Variants in ROBO1 observed in about 807,000 individuals in gnomAD.
ROBO1 encodes roundabout homolog 1.
A neutral mutation model predicts 195.9 loss-of-function variants in ROBO1; 149 were observed. The ratio of observed to expected loss-of-function variants is 0.76; its 90% CI spans 0.67 to 0.87. The LOEUF (loss-of-function observed/expected upper bound fraction) is 0.87, where lower values mean the gene tolerates loss of function less well. ROBO1 is among the 40% of genes least tolerant of loss of function. The pLI, the probability that ROBO1 is intolerant of heterozygous loss-of-function variation, is 0.00. For missense variants in ROBO1, 1,933 were observed against 2,068.3 expected (o/e 0.93, Z 1.27); for synonymous variants, 816 against 733.2 (o/e 1.11, Z -1.82).
chr3:78,861,287 CATTCA>C (rs1378813565), intron 4 of ROBO1, among the ~76,000 whole-genome samples: 2 of 152,152 alleles, frequency 1.3e-5, no homozygotes, highest in African/African-American at 4.8e-5. Flanking sequence ...CCTTTCTGCA[CATTCA>C]ATTCAACATC....
chr3:79,121,705 C>T (rs2080118994), intron 3 of ROBO1, among the ~76,000 whole-genome samples: 1 of 151,838 alleles, frequency 6.6e-6, no homozygotes, highest in African/African-American at 2.4e-5. Flanking sequence ...TAAAACAGAC[C>T]TGTGGAGATG....
chr3:79,482,112 AG>A (rs1938896488), intron 2 of ROBO1, among the ~76,000 whole-genome samples: 2 of 152,194 alleles, frequency 1.3e-5, no homozygotes, highest in African/African-American at 4.8e-5. Flanking sequence ...GTACTTTGTA[AG>A]GACACTGCCA....
At chr3:79,143,016 G>T (rs897865248) in intron 2 of ROBO1, among the ~76,000 whole-genome samples, 5 of 152,076 alleles carry the variant, frequency 3.3e-5, no homozygotes, top group African/African-American at 1.2e-4. Context: ...AACCGTAAAA[G>T]TGTAATACGG....
rs114672659 is a variant in ROBO1 at position 78,646,694 on chromosome 3, C to G, written c.2840-504G>C. On this transcript the variant is annotated intron_variant, in intron 20 of 30. Transcript: ENST00000464233. The stretch of plus-strand genomic sequence containing the variant: ...ATGTTAAAATAAACCTTTCTACACA[C>G]AAAGATGTATGCCAAGTTGTGACTA... 8.8e-3 allele frequency among the ~76,000 whole-genome samples: 1,332 copies of G among 151,144 alleles called. 23 individuals are homozygous for G. The highest frequency in any genetic ancestry group is 0.031 in the African/African-American group (1,270 of 41,330).
At chr3:79,040,138 C>T (rs72892033) in intron 3 of ROBO1, among the ~76,000 whole-genome samples, 11,216 of 152,096 alleles carry the variant, frequency 0.074, 494 homozygotes, top group Middle Eastern at 0.15. Context: ...TAGAAAGAGA[C>T]TTCACAAGTA....
chr3:79,737,342 T>A lies in ROBO1; in HGVS notation c.-51+30410A>T, dbSNP rs532124132. 1.9e-3 allele frequency among the ~76,000 whole-genome samples: 287 copies of A among 152,304 alleles called. 1 individual carries two copies. Among genetic ancestry groups the A allele is most frequent in the South Asian group, 3.7e-3 (18 of 4,828 alleles). On this transcript the variant is annotated intron_variant, in intron 1 of 30. Coordinates refer to ENST00000464233, the MANE Select transcript of ROBO1 (RefSeq NM_002941.4). ...GAAAGAGATTATGCCACCATCCATA[T>A]TTCCCAAATATGCACGTTAGAATCC...
intron 2 of ROBO1, among the ~76,000 whole-genome samples, chr3:79,174,205 A>G (rs946233110): frequency 1.3e-5 from 2 of 152,108 alleles, no homozygotes; most frequent in Non-Finnish European, 2.9e-5. Flanking sequence ...CTTTGGGTCC[A>G]CACTGCCTTT....
intron 2 of ROBO1, among the ~76,000 whole-genome samples, chr3:79,432,103 T>A (rs368804112): frequency 2.6e-5 from 4 of 152,202 alleles, no homozygotes; most frequent in South Asian, 4.1e-4. Context: ...AAATTATTTC[T>A]TTTTGTTTTT....
At chr3:78,723,674 G>A (rs548832181) in intron 5 of ROBO1, among the ~76,000 whole-genome samples, 6 of 152,116 alleles carry the variant, frequency 3.9e-5, no homozygotes, top group South Asian at 4.2e-4. Flanking sequence ...ATTGAAGGGT[G>A]TGTGGGGGGC....
At chr3:79,396,096 C>T (rs1447481842) in intron 2 of ROBO1, among the ~76,000 whole-genome samples, 1 of 152,024 alleles carries the variant, frequency 6.6e-6, no homozygotes, top group Non-Finnish European at 1.5e-5. Context: ...TAAAAGCTCT[C>T]AAGTATTTTT....
intron 29 of ROBO1, among the ~76,000 whole-genome samples, chr3:78,601,741 A>G (rs1187435949): frequency 1.3e-5 from 2 of 152,120 alleles, no homozygotes; most frequent in East Asian, 3.9e-4. Flanking sequence ...TCTGCATCCC[A>G]CTGAAATCTA....
intron 2 of ROBO1, among the ~76,000 whole-genome samples, chr3:79,271,476 A>G (rs1400965634): frequency 1.3e-5 from 2 of 151,994 alleles, no homozygotes; most frequent in South Asian, 2.1e-4. Context: ...ACTGGAAAAT[A>G]TTAGACTATT....
chr3:78,998,960 T>G (rs991032157), intron 3 of ROBO1, among the ~76,000 whole-genome samples: 1 of 151,970 alleles, frequency 6.6e-6, no homozygotes, highest in African/African-American at 2.4e-5. Context: ...AGGAAAAATA[T>G]GAAAAAATGC....
intron 2 of ROBO1, among the ~76,000 whole-genome samples, chr3:79,586,179 T>C (rs955318516): frequency 6.6e-6 from 1 of 151,970 alleles, no homozygotes; most frequent in African/African-American, 2.4e-5. Flanking sequence ...ATTGAGCATA[T>C]GAAAGCAAAA....
chr3:79,486,305 ATCT>A (rs1939158356), intron 2 of ROBO1, among the ~76,000 whole-genome samples: 1 of 152,032 alleles, frequency 6.6e-6, no homozygotes, highest in African/African-American at 2.4e-5. Flanking sequence ...TATTAAACAC[ATCT>A]TCTTTAATGT....
At chr3:79,183,079 T>TAAAAAAAAAAAAAAA (rs2081374210) in intron 2 of ROBO1, among the ~76,000 whole-genome samples, 1 of 95,450 alleles carries the variant, frequency 1.0e-5, no homozygotes, top group African/African-American at 5.6e-5. Context: ...AGACTCCAAC[T>TAAAAAAAAAAAAAAA]CAAAAAAAAA....
intron 2 of ROBO1, among the ~76,000 whole-genome samples, chr3:79,345,158 T>C (rs1352894929): frequency 6.6e-6 from 1 of 152,188 alleles, no homozygotes; most frequent in Non-Finnish European, 1.5e-5. Flanking sequence ...CTAGAAATGT[T>C]TACTTATTCT....
intron 2 of ROBO1, among the ~76,000 whole-genome samples, chr3:79,503,378 G>A (rs995097857): frequency 6.6e-6 from 1 of 152,116 alleles, no homozygotes; most frequent in Non-Finnish European, 1.5e-5. Flanking sequence ...TAAGAACTGT[G>A]CTTTTAAGAA....
intron 3 of ROBO1, among the ~76,000 whole-genome samples, chr3:79,019,930 A>C (rs554077000): frequency 6.6e-6 from 1 of 152,300 alleles, no homozygotes; most frequent in African/African-American, 2.4e-5. Flanking sequence ...TCCAGAACAT[A>C]TCAGTAGATG....
Sources: gnomAD v4.1 joint callset for allele counts (sites outside exome capture counted in the v4.1 genomes callset) on GRCh38, gnomAD v4.1.1 for gene constraint, MANE v1.5 for transcripts, NCBI Gene and HGNC (gene_info 2026-07-23, HGNC 2026-07-21) for gene names.